The following RFX3 variants were observed in gnomAD, a reference collection of about 807,000 sequenced individuals.
RFX3 encodes regulatory factor X3.
Under a neutral mutation model 98.6 loss-of-function variants are expected in RFX3, and 14 were observed. The observed-to-expected ratio is 0.14, with a 90% CI of 0.09 to 0.22. The LOEUF is 0.22. RFX3 is among the 10% of genes least tolerant of loss of function. The pLI is 1.00. For synonymous variants in RFX3, 383 were observed against 328.4 expected, an observed-to-expected ratio of 1.17 and a Z score of -1.80; for missense variants, 639 against 926.9, an observed-to-expected ratio of 0.69 and a Z score of 4.03.
At chr9:3,383,129 A>G (rs542839342) in intron 2 of RFX3, among the ~76,000 whole-genome samples, 3 of 152,278 alleles carry the variant, frequency 2.0e-5, no homozygotes, top group South Asian at 4.1e-4. Context: ...CCAGATGCTA[A>G]TATTTTACTA....
At chr9:3,449,796 T>A (rs1447873801) in intron 1 of RFX3, among the ~76,000 whole-genome samples, 1 of 151,042 alleles carries the variant, frequency 6.6e-6, no homozygotes, top group African/African-American at 2.4e-5. Flanking sequence ...GAAGCTACAA[T>A]TACTGAGGCT....
At chr9:3,263,827 A>G (rs1201217863) in intron 12 of RFX3, among the ~76,000 whole-genome samples, 1 of 152,148 alleles carries the variant, frequency 6.6e-6, no homozygotes, top group Non-Finnish European at 1.5e-5. Flanking sequence ...TTGACCAATA[A>G]CAGGCACTGG....
chr9:3,225,151 G>A lies in RFX3; in HGVS notation c.2141C>T (p.Thr714Ile), dbSNP rs750983201. The change falls in exon 17 of 17, where the codon ACT (threonine) becomes ATT (isoleucine). Residue 714 changes from threonine (T) to isoleucine (I), a missense_variant. Around this residue, in one of 9 missense-constraint regions of RFX3, gnomAD observed 129 missense variants for 124.6 expected, o/e 1.04. Coordinates refer to ENST00000617270, the MANE Select transcript of RFX3 (RefSeq NM_001282116.2). Reference protein sequence around the residue: ...PVGCMQPVLETGVQPSLLNPI... With the variant: ...PVGCMQPVLEIGVQPSLLNPI... ...ATTCAGGAGGCTTGGTTGCACGCCA[G>A]TCTCGAGAACAGGCTGCATGCAGCC... The A allele has an allele frequency of 1.2e-6, 2 of 1,613,986 alleles. No homozygotes were observed. Among genetic ancestry groups the A allele is most frequent in the Non-Finnish European group, 1.7e-6 (2 of 1,179,936 alleles).
chr9:3,396,058 T>A (rs1232353082), intron 1 of RFX3, among the ~76,000 whole-genome samples: 3 of 151,794 alleles, frequency 2.0e-5, no homozygotes, highest in African/African-American at 7.3e-5. Context: ...TTTTTTTTTA[T>A]ACTTTGTTTT....
intron 1 of RFX3, among the ~76,000 whole-genome samples, chr9:3,450,626 G>A (rs1846514730): frequency 6.6e-6 from 1 of 152,048 alleles, no homozygotes; most frequent in African/African-American, 2.4e-5. Context: ...GGAGTTTAAA[G>A]TCTTTCCAAT....
At chr9:3,467,924 C>G (rs1740843927) in intron 1 of RFX3, among the ~76,000 whole-genome samples, 1 of 152,184 alleles carries the variant, frequency 6.6e-6, no homozygotes, top group Non-Finnish European at 1.5e-5. Context: ...GCAGCAATCA[C>G]CAAGTGTCCT....
intron 1 of RFX3, among the ~76,000 whole-genome samples, chr9:3,511,633 T>A (rs1374713901): frequency 2.6e-5 from 4 of 151,972 alleles, no homozygotes; most frequent in African/African-American, 9.7e-5. Context: ...CTCATCAACT[T>A]ACAAAATGAC....
intron 15 of RFX3, among the ~76,000 whole-genome samples, chr9:3,231,973 C>T (rs1818516051): frequency 6.6e-6 from 1 of 151,996 alleles, no homozygotes; most frequent in South Asian, 2.1e-4. Context: ...GCGAAGGTTG[C>T]AGTGGGCTGA....
chr9:3,273,835 A>T (rs928572045), intron 9 of RFX3, among the ~76,000 whole-genome samples: 3 of 150,196 alleles, frequency 2.0e-5, no homozygotes, highest in Non-Finnish European at 4.4e-5. Flanking sequence ...ACTGCACTCC[A>T]GCCTGGGTGA....
chr9:3,484,244 C>T (rs1433046669), intron 1 of RFX3, among the ~76,000 whole-genome samples: 2 of 152,142 alleles, frequency 1.3e-5, no homozygotes, highest in Non-Finnish European at 2.9e-5. Context: ...AACCTACTGC[C>T]CTCGGAGACA....
Position 3,317,601 on chromosome 9 carries a change from A to C in RFX3, c.474+12658T>G, listed in dbSNP as rs566411288. Reference sequence around the variant, plus strand: ...ACAGACAACCTACAGAATGGGAGAAAATTTTTACAATCTACCCATCTGACA... The same window carrying C: ...ACAGACAACCTACAGAATGGGAGAACATTTTTACAATCTACCCATCTGACA... On this transcript the variant is annotated intron_variant, in intron 4 of 16. Coordinates refer to ENST00000617270, the MANE Select transcript of RFX3 (RefSeq NM_001282116.2). Among the ~76,000 whole-genome samples, 92 of 152,342 alleles carry C rather than the reference A, an allele frequency of 6.0e-4. 1 individual carries two copies. Among genetic ancestry groups the C allele is most frequent in the African/African-American group, 2.1e-3 (86 of 41,578 alleles).
At chr9:3,473,850 A>G (rs1848986566) in intron 1 of RFX3, among the ~76,000 whole-genome samples, 1 of 152,254 alleles carries the variant, frequency 6.6e-6, no homozygotes, top group Non-Finnish European at 1.5e-5. Context: ...AAAAGACTTG[A>G]TAAAGGCAAG....
chr9:3,255,143 G>A (rs72699008), intron 14 of RFX3, among the ~76,000 whole-genome samples: 5,120 of 152,242 alleles, frequency 0.034, 112 homozygotes, highest in Middle Eastern at 0.11. Context: ...GGATCTATAC[G>A]TCTACTTCAG....
At chr9:3,318,896 T>C (rs921526372) in intron 4 of RFX3, among the ~76,000 whole-genome samples, 2 of 152,214 alleles carry the variant, frequency 1.3e-5, no homozygotes, top group Non-Finnish European at 2.9e-5. Context: ...AAATCAAGAT[T>C]GTCTTTTTGG....
chr9:3,388,059 G>A (rs571053743), intron 2 of RFX3, among the ~76,000 whole-genome samples: 1 of 152,164 alleles, frequency 6.6e-6, no homozygotes, highest in Admixed American at 6.5e-5. Flanking sequence ...ACTACTGATT[G>A]CTTTAATGAC....
At chr9:3,246,278 C>T (rs941989098) in intron 15 of RFX3, among the ~76,000 whole-genome samples, 3 of 150,244 alleles carry the variant, frequency 2.0e-5, no homozygotes, top group Non-Finnish European at 2.9e-5. Context: ...TCATTTAGAT[C>T]GTTTACATGT....
At chr9:3,404,231 G>A (rs961239850) in intron 1 of RFX3, among the ~76,000 whole-genome samples, 3 of 152,092 alleles carry the variant, frequency 2.0e-5, no homozygotes, top group African/African-American at 7.2e-5. Context: ...CATAAATTCT[G>A]AAAACACTTG....
intron 7 of RFX3, among the ~76,000 whole-genome samples, chr9:3,287,120 C>G (rs1370163177): frequency 6.6e-6 from 1 of 151,812 alleles, no homozygotes; most frequent in Non-Finnish European, 1.5e-5. Context: ...TCTCTGCATG[C>G]AGGGCTTAAC....
chr9:3,504,868 T>A (rs1319105472), intron 1 of RFX3, among the ~76,000 whole-genome samples: 2 of 76,610 alleles, frequency 2.6e-5, no homozygotes, highest in Non-Finnish European at 4.0e-5. Context: ...ATATAATATA[T>A]ATTATATATA....
Sources: gnomAD v4.1 joint callset for allele counts (sites outside exome capture counted in the v4.1 genomes callset) on GRCh38, gnomAD v4.1.1 for gene constraint, gnomAD v4.1.1 regional missense constraint, MANE v1.5 for transcripts, NCBI Gene and HGNC (gene_info 2026-07-23, HGNC 2026-07-21) for gene names.